The following DIP2B variants were observed in gnomAD, a reference collection of about 807,000 sequenced individuals.
The protein encoded by DIP2B is disco-interacting protein 2 homolog B.
DIP2B carries 76 observed loss-of-function variants against 198.0 expected under a neutral mutation model. The observed-to-expected ratio is 0.38, with a 90% CI of 0.32 to 0.46. DIP2B has a LOEUF of 0.46. Among genes scored for constraint, DIP2B ranks in the 20% least tolerant of loss-of-function variants. DIP2B has a pLI of 0.99. For missense variants in DIP2B, 1,559 were observed against 1,978.4 expected (o/e 0.79, Z 4.02); for synonymous variants, 701 against 739.1 (o/e 0.95, Z 0.84).
chr12:50,679,312 C>A (rs1276315853), intron 8 of DIP2B: 1 of 171,824 alleles, frequency 5.8e-6, no homozygotes, highest in East Asian at 1.6e-4. Flanking sequence ...ATTTTGCATA[C>A]TAGCTAAAAT....
intron 5 of DIP2B, among the ~76,000 whole-genome samples, chr12:50,674,078 C>T (rs187201496): frequency 2.6e-5 from 4 of 152,134 alleles, no homozygotes; most frequent in African/African-American, 7.2e-5. Flanking sequence ...AAGAAATGTT[C>T]GAGAGACTGC....
At chr12:50,736,772 G>C (rs904075951) in intron 34 of DIP2B, among the ~76,000 whole-genome samples, 6 of 152,228 alleles carry the variant, frequency 3.9e-5, no homozygotes, top group Non-Finnish European at 8.8e-5. Context: ...TCATCCCTTT[G>C]AAGAGATGGC....
intron 1 of DIP2B, among the ~76,000 whole-genome samples, chr12:50,565,652 G>A (rs1007848985): frequency 6.6e-6 from 1 of 151,986 alleles, no homozygotes; most frequent in African/African-American, 2.4e-5. Context: ...AATGCCAGCT[G>A]TTTTTATTAC....
chr12:50,566,775 C>A (rs1193300102), intron 1 of DIP2B, among the ~76,000 whole-genome samples: 1 of 152,020 alleles, frequency 6.6e-6, no homozygotes, highest in Non-Finnish European at 1.5e-5. Flanking sequence ...CGAGACCATC[C>A]TGGCTAACAC....
chr12:50,566,989 A>AG (rs374941154), intron 1 of DIP2B, among the ~76,000 whole-genome samples: 31 of 148,524 alleles, frequency 2.1e-4, no homozygotes, highest in South Asian at 8.5e-4. Flanking sequence ...AAAAAAAAAA[A>AG]AAAGAAAGAA....
At chr12:50,619,101 G>C (rs1047390877) in intron 1 of DIP2B, among the ~76,000 whole-genome samples, 3 of 152,014 alleles carry the variant, frequency 2.0e-5, no homozygotes, top group African/African-American at 7.3e-5. Flanking sequence ...CATGGCATAT[G>C]CTCTTTTATT....
At chr12:50,510,450 TTTAAGACTTAGCACTTCAGG>T (rs1169433647) in intron 1 of DIP2B, among the ~76,000 whole-genome samples, 4 of 152,224 alleles carry the variant, frequency 2.6e-5, no homozygotes, top group African/African-American at 9.6e-5. Context: ...TCCTAGCCTG[TTTAAGACTTAGCACTTCAGG>T]GTTGAAAGTT....
At chr12:50,592,780 A>G (rs962459550) in intron 1 of DIP2B, among the ~76,000 whole-genome samples, 2 of 152,012 alleles carry the variant, frequency 1.3e-5, no homozygotes, top group Non-Finnish European at 2.9e-5. Context: ...CGGCCAGATT[A>G]TTTATTTTCT....
At chr12:50,671,125 G>A in intron 4 of DIP2B, 61 bp from the exon 5 acceptor site, 2 of 1,533,046 alleles carry the variant, frequency 1.3e-6, no homozygotes, top group South Asian at 1.1e-5. Flanking sequence ...CAATGAGCAA[G>A]AACTGAAAAG....
Position 50,654,982 on chromosome 12 carries a change from A to G in DIP2B, c.302-5212A>G, listed in dbSNP as rs147499729. 328 of 448,544 alleles carry G rather than the reference A, an allele frequency of 7.3e-4. 3 individuals are homozygous for G. Among genetic ancestry groups the G allele is most frequent in the African/African-American group, 6.3e-3 (313 of 50,018 alleles). The allele number at this position is 448,544 out of a possible 1,614,324, so 27.8% of individuals were successfully genotyped here. A position where few individuals can be genotyped will look rare whatever the true frequency, so the allele number is the denominator to read the frequency against. On this transcript the variant is annotated intron_variant, in intron 3 of 37. Coordinates refer to ENST00000301180, the MANE Select transcript of DIP2B (RefSeq NM_173602.3). ...GAGGAATTTTTCAAGATGTGACAAA[A>G]TTTAACACGTATTTGCTTTTTTATT...
chr12:50,607,400 A>G (rs1958992693), intron 1 of DIP2B, among the ~76,000 whole-genome samples: 1 of 152,240 alleles, frequency 6.6e-6, no homozygotes, highest in South Asian at 2.1e-4. Context: ...AGCATTACAC[A>G]GATATGGAAT....
At chr12:50,653,588 C>T (rs1453225514) in intron 3 of DIP2B, among the ~76,000 whole-genome samples, 3 of 151,754 alleles carry the variant, frequency 2.0e-5, no homozygotes, top group Admixed American at 6.6e-5. Context: ...GTGATCTGCC[C>T]ACCTTGGCCT....
chr12:50,641,427 C>T (rs1938255318), intron 3 of DIP2B, among the ~76,000 whole-genome samples: 2 of 152,112 alleles, frequency 1.3e-5, no homozygotes, highest in African/African-American at 4.8e-5. Context: ...AGCATACAAG[C>T]ACAAAGGCCA....
At chr12:50,649,069 G>GA (rs1217338565) in intron 3 of DIP2B, among the ~76,000 whole-genome samples, 1 of 152,014 alleles carries the variant, frequency 6.6e-6, no homozygotes, top group Non-Finnish European at 1.5e-5. Context: ...AAACCTTTAT[G>GA]AAAAAAACTT....
intron 2 of DIP2B, among the ~76,000 whole-genome samples, chr12:50,633,807 G>T (rs1020238998): frequency 2.0e-5 from 3 of 152,012 alleles, no homozygotes; most frequent in African/African-American, 7.2e-5. Flanking sequence ...GCATCATAGG[G>T]ATTAGGTTCT....
chr12:50,651,662 C>G (rs1240203544), intron 3 of DIP2B, among the ~76,000 whole-genome samples: 1 of 138,124 alleles, frequency 7.2e-6, no homozygotes, highest in East Asian at 1.9e-4. Context: ...TTTCCGGGCT[C>G]TCTATTGTTC....
chr12:50,579,158 A>G (rs1226950905), intron 1 of DIP2B, among the ~76,000 whole-genome samples: 1 of 152,206 alleles, frequency 6.6e-6, no homozygotes, highest in Non-Finnish European at 1.5e-5. Flanking sequence ...TACTTGAAAG[A>G]ATAAATGAGA....
chr12:50,577,645 CTA>C lies in DIP2B; in HGVS notation c.101-48327_101-48326del, dbSNP rs1320559099. On this transcript the variant is annotated intron_variant, in intron 1 of 37. Transcript: ENST00000301180. ...TAATACACTTTTATATGAGAAATAA[CTA>C]TATTTTCTAAAACAAAAAATAATAG... 2.6e-5 allele frequency among the ~76,000 whole-genome samples: 4 copies of C among 151,242 alleles called. No individual in the cohort carries two copies. In the South Asian group the frequency reaches 6.2e-4, roughly 24 times the overall value.
At chr12:50,619,976 A>G (rs1937777047) in intron 1 of DIP2B, among the ~76,000 whole-genome samples, 1 of 152,198 alleles carries the variant, frequency 6.6e-6, no homozygotes, top group Non-Finnish European at 1.5e-5. Flanking sequence ...CAGGAGGGTC[A>G]CTTGAGCCCA....
Sources: allele counts gnomAD v4.1 joint callset (sites outside exome capture counted in the v4.1 genomes callset), GRCh38; gene constraint gnomAD v4.1.1; transcripts MANE v1.5; gene names NCBI Gene and HGNC (gene_info 2026-07-23, HGNC 2026-07-21).